The following NDUFAF6 variants were observed in gnomAD, a reference collection of about 807,000 sequenced individuals.
NDUFAF6 encodes the protein NADH dehydrogenase (ubiquinone) complex I, assembly factor 6.
NDUFAF6 carries 45 observed loss-of-function variants against 40.8 expected under a neutral mutation model. The observed-to-expected ratio is 1.10, with a 90% CI of 0.87 to 1.42. The LOEUF is 1.42. Among genes scored for constraint, NDUFAF6 ranks in the 40% most tolerant of loss-of-function variants. The pLI is 0.00. For synonymous variants in NDUFAF6, 185 were observed against 155.9 expected, an observed-to-expected ratio of 1.19 and a Z score of -1.39; for missense variants, 435 against 418.5, an observed-to-expected ratio of 1.04 and a Z score of -0.34.
intron 1 of NDUFAF6, among the ~76,000 whole-genome samples, chr8:94,960,158 C>CT (rs149770216): frequency 1.7e-4 from 26 of 152,080 alleles, no homozygotes. Context: ...ACACTTCCTT[C>CT]TTTTTTTTGG....
chr8:94,979,632 A>G (rs750179823), intron 1 of NDUFAF6, among the ~76,000 whole-genome samples: 1 of 152,172 alleles, frequency 6.6e-6, no homozygotes, highest in Admixed American at 6.5e-5. Flanking sequence ...TGTTTTTGTA[A>G]TATTTTTTCA....
chr8:95,047,951 A>G (rs2131909438), intron 6 of NDUFAF6, among the ~76,000 whole-genome samples: 1 of 152,124 alleles, frequency 6.6e-6, no homozygotes. Flanking sequence ...TCATGCCTGT[A>G]ATCCCAGCAC....
At position 94,936,134 on chromosome 8, in the gene NDUFAF6, C is replaced by T. The variant is rs147656319; in HGVS notation, c.-935-9349C>T. Reference sequence around the variant, plus strand: ...AGAATTTCCACATGAGAGGCATTTACTCCCTTGCCACAGGACATTAATTGA... The same window carrying T: ...AGAATTTCCACATGAGAGGCATTTATTCCCTTGCCACAGGACATTAATTGA... On this transcript the variant is annotated intron_variant, in intron 1 of 14. Coordinates refer to the NDUFAF6 transcript ENST00000396113. 2.6e-3 allele frequency among the ~76,000 whole-genome samples: 402 copies of T among 152,326 alleles called. 1 individual carries two copies. The highest frequency in any genetic ancestry group is 9.1e-3 in the African/African-American group (377 of 41,578).
chr8:94,997,069 A>G (rs1276726152), intron 2 of NDUFAF6, among the ~76,000 whole-genome samples: 1 of 152,190 alleles, frequency 6.6e-6, no homozygotes, highest in African/African-American at 2.4e-5. Context: ...GATTTTGGAA[A>G]AGAACTTATG....
At chr8:95,034,526 T>C (rs1333979065) in intron 2 of NDUFAF6, 1 of 153,958 alleles carries the variant, frequency 6.5e-6, no homozygotes. Context: ...CCATAGCCTT[T>C]CTTTGCGTTT....
At chr8:94,949,833 G>A (rs1361741434) in intron 2 of NDUFAF6, among the ~76,000 whole-genome samples, 6 of 152,206 alleles carry the variant, frequency 3.9e-5, no homozygotes, top group Non-Finnish European at 8.8e-5. Context: ...TAAGACTCCT[G>A]GGAGGGCTGG....
At chr8:94,986,090 G>A (rs142038595) in intron 2 of NDUFAF6, among the ~76,000 whole-genome samples, 3,846 of 151,932 alleles carry the variant, frequency 0.025, 143 homozygotes, top group African/African-American at 0.087. Flanking sequence ...AACCAGGATG[G>A]TCTCGATCTC....
chr8:95,114,460 A>G (rs1587289915), intron 4 of NDUFAF6, among the ~76,000 whole-genome samples: 4 of 152,212 alleles, frequency 2.6e-5, no homozygotes, highest in Admixed American at 2.0e-4. Flanking sequence ...GCTGAAAGTC[A>G]ATGGCATTTT....
At chr8:95,024,137 AG>A (rs1827827142), upstream of NDUFAF6, among the ~76,000 whole-genome samples, 2 of 152,240 alleles carry the variant, frequency 1.3e-5, no homozygotes, top group Admixed American at 6.5e-5. Flanking sequence ...TGGACCTTGG[AG>A]GCCCAGACAA....
At chr8:95,108,609 T>C (rs555809351) in intron 4 of NDUFAF6, among the ~76,000 whole-genome samples, 1 of 152,152 alleles carries the variant, frequency 6.6e-6, no homozygotes, top group Non-Finnish European at 1.5e-5. Flanking sequence ...CTTGGGATGA[T>C]GAAAAAGTTC....
chr8:94,965,166 A>G (rs1349763), intron 1 of NDUFAF6, among the ~76,000 whole-genome samples: 96,960 of 152,074 alleles, frequency 0.64, 32,114 homozygotes, highest in East Asian at 0.78. Context: ...ATGGGGACAG[A>G]AAAAAGGGGA....
intron 2 of NDUFAF6, among the ~76,000 whole-genome samples, chr8:95,082,816 C>A (rs1024939777): frequency 2.0e-5 from 3 of 152,144 alleles, no homozygotes; most frequent in African/African-American, 7.2e-5. Context: ...CCCGCCACTA[C>A]GCCCGGCTAA....
At chr8:94,980,124 A>C (rs977309726) in intron 1 of NDUFAF6, among the ~76,000 whole-genome samples, 12 of 151,314 alleles carry the variant, frequency 7.9e-5, no homozygotes, top group Non-Finnish European at 5.9e-5. Flanking sequence ...AACAAAAAAA[A>C]CCAGAAAAAG....
chr8:94,917,628 A>G (rs1333058440), intron 1 of NDUFAF6, among the ~76,000 whole-genome samples: 2 of 152,242 alleles, frequency 1.3e-5, no homozygotes, highest in African/African-American at 2.4e-5. Flanking sequence ...AGTCTTAGAA[A>G]AAATTTAGTG....
intron 1 of NDUFAF6, among the ~76,000 whole-genome samples, chr8:94,918,149 G>A (rs1319842569): frequency 1.3e-5 from 2 of 152,054 alleles, no homozygotes; most frequent in African/African-American, 4.8e-5. Flanking sequence ...TAAGTGCACC[G>A]ACCTGACCAA....
intron 2 of NDUFAF6, among the ~76,000 whole-genome samples, chr8:94,952,324 G>A (rs1414239350): frequency 6.6e-6 from 1 of 152,170 alleles, no homozygotes; most frequent in East Asian, 1.9e-4. Context: ...CAACCCATAG[G>A]ATGGCTACTT....
chr8:95,102,965 T>C (rs1440520401), intron 2 of NDUFAF6: 1 of 152,232 alleles, frequency 6.6e-6, no homozygotes, highest in Non-Finnish European at 1.5e-5. Flanking sequence ...CTTTCCTTTT[T>C]TTCTCTACAG....
At chr8:94,955,009 G>A (rs577004149), upstream of NDUFAF6, among the ~76,000 whole-genome samples, 8 of 152,340 alleles carry the variant, frequency 5.3e-5, no homozygotes, top group African/African-American at 1.9e-4. Flanking sequence ...AGGAAGGAAA[G>A]AACAGATAAT....
intron 1 of NDUFAF6, among the ~76,000 whole-genome samples, chr8:95,030,123 G>T (rs1038518425): frequency 2.0e-5 from 3 of 151,848 alleles, no homozygotes; most frequent in Admixed American, 1.3e-4. Context: ...TTAGTAGTAG[G>T]CATTGTATTG....
Sources: gnomAD v4.1 joint callset for allele counts (sites outside exome capture counted in the v4.1 genomes callset) on GRCh38, gnomAD v4.1.1 for gene constraint, MANE v1.5 for transcripts, NCBI Gene and HGNC (gene_info 2026-07-23, HGNC 2026-07-21) for gene names.